Variants in CATSPERE observed in about 807,000 individuals in gnomAD.
CATSPERE encodes catsper channel auxiliary subunit epsilon.
Under a neutral mutation model 114.1 loss-of-function variants are expected in CATSPERE, and 93 were observed. The observed-to-expected ratio is 0.81, with a 90% CI of 0.69 to 0.97. The LOEUF is 0.97. CATSPERE is among the 50% of genes least tolerant of loss of function. The pLI, the probability that CATSPERE is intolerant of heterozygous loss-of-function variation, is 0.00. For synonymous variants in CATSPERE, 341 were observed against 384.1 expected (o/e 0.89, Z 1.31); for missense variants, 1,058 against 1,131.6 (o/e 0.93, Z 0.93).
intron 2 of CATSPERE, among the ~76,000 whole-genome samples, chr1:244,468,789 A>G (rs1668011071): frequency 6.6e-6 from 1 of 152,126 alleles, no homozygotes; most frequent in African/African-American, 2.4e-5. Flanking sequence ...ATGGTGGTGC[A>G]TGCCTATAGT....
intron 6 of CATSPERE, among the ~76,000 whole-genome samples, chr1:244,494,001 A>G (rs894396663): frequency 5.3e-4 from 80 of 152,028 alleles, no homozygotes; most frequent in African/African-American, 1.7e-3. Flanking sequence ...TACACTGTTG[A>G]TGGGACTGTA....
chr1:244,621,181 T>C (rs868281505), intron 20 of CATSPERE, among the ~76,000 whole-genome samples: 3 of 44,730 alleles, frequency 6.7e-5, no homozygotes, highest in African/African-American at 3.0e-4. Context: ...ATAGATATAT[T>C]TATATAGATA....
chr1:244,569,473 C>T (rs973348747), intron 10 of CATSPERE, among the ~76,000 whole-genome samples: 11 of 152,112 alleles, frequency 7.2e-5, no homozygotes, highest in African/African-American at 2.7e-4. Flanking sequence ...TGTTCTTTAT[C>T]TCATGTATTG....
At chr1:244,531,723 C>T (rs979268375) in intron 8 of CATSPERE, among the ~76,000 whole-genome samples, 6 of 152,198 alleles carry the variant, frequency 3.9e-5, no homozygotes, top group East Asian at 3.9e-4. Flanking sequence ...TCATTGAATT[C>T]GGTTTGTTAC....
chr1:244,623,629 T>C (rs1431132674), intron 20 of CATSPERE, among the ~76,000 whole-genome samples: 1 of 152,146 alleles, frequency 6.6e-6, no homozygotes, highest in Non-Finnish European at 1.5e-5. Context: ...GGTTGGTTGC[T>C]GCCACTACCA....
intron 7 of CATSPERE, among the ~76,000 whole-genome samples, chr1:244,518,336 A>G (rs1041197967): frequency 6.6e-6 from 1 of 152,206 alleles, no homozygotes; most frequent in African/African-American, 2.4e-5. Flanking sequence ...CCATAGTTTC[A>G]GTGCATTCAG....
At chr1:244,533,726 G>A (rs1428402178) in intron 8 of CATSPERE, among the ~76,000 whole-genome samples, 1 of 152,050 alleles carries the variant, frequency 6.6e-6, no homozygotes, top group Non-Finnish European at 1.5e-5. Flanking sequence ...TCCATGTCTT[G>A]AAAGTTGTGG....
At chr1:244,595,932 C>CAAAAAAAAAAAAAAAAAAAAAAAAA (rs1668351970) in intron 17 of CATSPERE, among the ~76,000 whole-genome samples, 1 of 150,122 alleles carries the variant, frequency 6.7e-6, no homozygotes, top group Non-Finnish European at 1.5e-5. Context: ...GACTCCGTCT[C>CAAAAAAAAAAAAAAAAAAAAAAAAA]AAAAAAGAAA....
At chr1:244,591,973 T>C (rs1667780699) in intron 15 of CATSPERE, among the ~76,000 whole-genome samples, 1 of 152,224 alleles carries the variant, frequency 6.6e-6, no homozygotes, top group Non-Finnish European at 1.5e-5. Context: ...TACATATATG[T>C]AGTCTCAAAT....
At position 244,588,490 on chromosome 1, in the gene CATSPERE, A is replaced by G; in HGVS notation, c.2094A>G (p.Gln698=). 1 of 1,611,480 alleles carries G rather than the reference A, an allele frequency of 6.2e-7. No homozygotes were observed. ...KACPIAQKVF[Q]IAVGCDDKKF... ...AAGTTACTTCATTTTAGGTGTTCCA[A>G]ATAGCTGTTGGCTGTGATGATAAAA... The change falls in exon 14 of 22, where the codon CAA becomes CAG. Residue 698 remains glutamine (Q), a synonymous_variant. Coordinates refer to ENST00000366534, the MANE Select transcript of CATSPERE (RefSeq NM_001130957.2).
At chr1:244,453,662 C>T (rs533484431), upstream of CATSPERE, among the ~76,000 whole-genome samples, 116 of 152,320 alleles carry the variant, frequency 7.6e-4, no homozygotes, top group African/African-American at 2.7e-3. Flanking sequence ...GCTGCCAACC[C>T]AGTGTGCATG....
intron 9 of CATSPERE, among the ~76,000 whole-genome samples, chr1:244,556,786 TAGAACTAAC>T (rs1399352052): frequency 6.6e-6 from 1 of 152,178 alleles, no homozygotes; most frequent in Non-Finnish European, 1.5e-5. Flanking sequence ...CCCAAACTGT[TAGAACTAAC>T]AAATAAATTT....
At chr1:244,518,234 A>G (rs1363723225) in intron 7 of CATSPERE, among the ~76,000 whole-genome samples, 1 of 152,180 alleles carries the variant, frequency 6.6e-6, no homozygotes. Flanking sequence ...AGGCAGGCTC[A>G]TGTAGGAAGA....
At chr1:244,534,821 C>A (rs1040491722) in intron 8 of CATSPERE, among the ~76,000 whole-genome samples, 5 of 152,104 alleles carry the variant, frequency 3.3e-5, no homozygotes, top group Admixed American at 2.6e-4. Flanking sequence ...GGTCTTGATG[C>A]CTGTGGTTGT....
intron 19 of CATSPERE, 108 bp downstream of exon 19, chr1:244,610,434 A>C (rs1416248640): frequency 1.3e-6 from 1 of 770,258 alleles, no homozygotes; most frequent in African/African-American, 1.7e-5. Context: ...TTGCTTTGGT[A>C]AATCAAATCC....
chr1:244,585,225 T>A (rs1273289786), intron 13 of CATSPERE, among the ~76,000 whole-genome samples: 1 of 152,176 alleles, frequency 6.6e-6, no homozygotes. Context: ...AAAGGGAAAA[T>A]GTACCATCTA....
chr1:244,572,393 C>T lies in CATSPERE; in HGVS notation c.1571C>T (p.Thr524Ile), dbSNP rs1664599201. The change falls in exon 11 of 22, where the codon ACT becomes ATT. Residue 524 changes from threonine to isoleucine, a missense_variant. By Grantham distance (89) the Thr-to-Ile change is moderately conservative (BLOSUM62 -1). Around this residue, in one of 2 missense-constraint regions of CATSPERE, gnomAD observed 787 missense variants for 905.6 expected, o/e 0.87. Coordinates refer to ENST00000366534, the MANE Select transcript of CATSPERE (RefSeq NM_001130957.2). ...GTAATATTTTATTCCAAGATTAATACTAGAGATGCAGTAAAGCTGCATTTA... is the reference window on the plus strand; with the variant it reads ...GTAATATTTTATTCCAAGATTAATATTAGAGATGCAGTAAAGCTGCATTTA... ...NNVIFYSKINTRDAVKLHLWT... is the reference protein window; with the variant it reads ...NNVIFYSKINIRDAVKLHLWT... The T allele has an allele frequency of 6.5e-7, 1 of 1,545,952 alleles. No individual in the cohort carries two copies. Among genetic ancestry groups the T allele is most frequent in the Non-Finnish European group, 8.9e-7 (1 of 1,118,736 alleles).
chr1:244,615,980 T>C (rs1485824806), intron 19 of CATSPERE, among the ~76,000 whole-genome samples: 1 of 135,626 alleles, frequency 7.4e-6, no homozygotes. Flanking sequence ...AAGTAAAAAA[T>C]TAGCCAGGCA....
chr1:244,635,508 A>T lies in CATSPERE; in HGVS notation c.2668A>T (p.Met890Leu). The change falls in exon 21 of 22, where the codon ATG (methionine) becomes TTG (leucine). Residue 890 changes from methionine to leucine, a missense_variant. By Grantham distance (15) the Met-to-Leu change is conservative (BLOSUM62 2). This residue lies in a region of CATSPERE where 787 missense variants were observed against 905.6 expected (regional missense o/e 0.87). Transcript: ENST00000366534. ...TTGCAGTTTCTGTAACCTAACAGCT[A>T]TGTTTGCAATAGAGACATTTGGACT... Reference protein sequence around the residue: ...PNYSFCNLTAMFAIETFGLIP... With the variant: ...PNYSFCNLTALFAIETFGLIP... The T allele has an allele frequency of 6.2e-7, 1 of 1,612,768 alleles. No individual in the cohort carries two copies. Among genetic ancestry groups the T allele is most frequent in the Non-Finnish European group, 8.5e-7 (1 of 1,178,916 alleles).
Sources: allele counts gnomAD v4.1 joint callset (sites outside exome capture counted in the v4.1 genomes callset), GRCh38; gene constraint gnomAD v4.1.1; regional missense constraint gnomAD v4.1.1; transcripts MANE v1.5; gene names NCBI Gene and HGNC (gene_info 2026-07-23, HGNC 2026-07-21).